The following FBXW10B variants were observed in gnomAD, a reference collection of about 807,000 sequenced individuals.
FBXW10B encodes the protein F-box and WD repeat domain containing protein 10B.
the FBXW10B span, chr17:15,614,158 T>C: frequency 3.3e-6 from 4 of 1,225,014 alleles, no homozygotes; most frequent in Non-Finnish European, 4.5e-6. Flanking sequence ...CTTAGGCCAC[T>C]AGATTTTTGT....
the FBXW10B span, among the ~76,000 whole-genome samples, chr17:15,567,598 G>T: frequency 6.6e-6 from 1 of 152,162 alleles, no homozygotes. Context: ...GGAGGCTGGG[G>T]CAGGAGGATT....
At chr17:15,582,006 A>G in the FBXW10B span, among the ~76,000 whole-genome samples, 1 of 149,828 alleles carries the variant, frequency 6.7e-6, no homozygotes, top group Non-Finnish European at 1.5e-5. Flanking sequence ...AAAGGAGAAA[A>G]AGGACTAATA....
chr17:15,603,798 C>T, the FBXW10B span, among the ~76,000 whole-genome samples: 16,283 of 145,950 alleles, frequency 0.11, 1,280 homozygotes, highest in African/African-American at 0.19. Context: ...AAGGGCTGGG[C>T]GCGGTGGCTC....
chr17:15,618,834 T>C, the FBXW10B span: 3 of 985,156 alleles, frequency 3.0e-6, no homozygotes, highest in South Asian at 9.4e-5. Context: ...TCATTTCTCC[T>C]TTGGTAAACA....
the FBXW10B span, among the ~76,000 whole-genome samples, chr17:15,608,071 A>G: frequency 1.3e-5 from 2 of 151,902 alleles, no homozygotes; most frequent in South Asian, 2.1e-4. Context: ...CGTCATATGT[A>G]TATTACATCT....
chr17:15,619,542 C>A, the FBXW10B span: 1 of 1,600,030 alleles, frequency 6.2e-7, no homozygotes, highest in Admixed American at 1.7e-5. Flanking sequence ...CATTTTAGCC[C>A]TGCGCACTTG....
chr17:15,601,364 G>A, the FBXW10B span, among the ~76,000 whole-genome samples: 1 of 136,628 alleles, frequency 7.3e-6, no homozygotes, highest in Non-Finnish European at 1.5e-5. Flanking sequence ...AGCTGAGATC[G>A]CACTACCGCA....
chr17:15,603,166 G>T, the FBXW10B span, among the ~76,000 whole-genome samples: 1 of 151,544 alleles, frequency 6.6e-6, no homozygotes, highest in Non-Finnish European at 1.5e-5. Flanking sequence ...TTACAGGCGT[G>T]AGCCACCGCG....
the FBXW10B span, chr17:15,569,023 A>G: frequency 3.3e-6 from 4 of 1,198,216 alleles, no homozygotes; most frequent in South Asian, 1.3e-4. Context: ...GTCTTCCGTA[A>G]GTGATCACTG....
chr17:15,567,480 G>A, the FBXW10B span, among the ~76,000 whole-genome samples: 4 of 152,028 alleles, frequency 2.6e-5, no homozygotes, highest in Non-Finnish European at 2.9e-5. Context: ...ATTTTTAGCT[G>A]TATATAATAT....
the FBXW10B span, chr17:15,565,710 C>A: frequency 6.2e-7 from 1 of 1,614,008 alleles, no homozygotes; most frequent in Non-Finnish European, 8.5e-7. Flanking sequence ...CCTGGTGCTC[C>A]TTCTCCTCCT....
the FBXW10B span, chr17:15,614,008 C>A: frequency 1.2e-6 from 2 of 1,608,880 alleles, no homozygotes; most frequent in Non-Finnish European, 1.7e-6. Flanking sequence ...CGGATATACA[C>A]CGGAGTGAAT....
At chr17:15,601,432 GAA>G in the FBXW10B span, among the ~76,000 whole-genome samples, 2 of 144,860 alleles carry the variant, frequency 1.4e-5, no homozygotes. Flanking sequence ...AAAAAAAAGA[GAA>G]AGAAAAACCA....
the FBXW10B span, among the ~76,000 whole-genome samples, chr17:15,582,972 A>G: frequency 3.3e-3 from 325 of 97,786 alleles, 2 homozygotes; most frequent in South Asian, 0.011. Context: ...TTCTTCCTTT[A>G]AAATGCCTAA....
At chr17:15,595,849 C>T in the FBXW10B span, among the ~76,000 whole-genome samples, 3 of 152,060 alleles carry the variant, frequency 2.0e-5, no homozygotes, top group South Asian at 6.2e-4. Context: ...CTCTGTTCAT[C>T]CCCCAGTGTT....
At chr17:15,584,466 T>C in the FBXW10B span, among the ~76,000 whole-genome samples, 1 of 152,252 alleles carries the variant, frequency 6.6e-6, no homozygotes, top group African/African-American at 2.4e-5. Context: ...ATTTCTTCTT[T>C]GTGATTTTCT....
At chr17:15,604,595 C>T in the FBXW10B span, among the ~76,000 whole-genome samples, 1 of 152,028 alleles carries the variant, frequency 6.6e-6, no homozygotes, top group African/African-American at 2.4e-5. Flanking sequence ...AGTGCAGTGG[C>T]GCGATCTCGG....
At chr17:15,619,169 T>C in the FBXW10B span, 6 of 1,613,894 alleles carry the variant, frequency 3.7e-6, no homozygotes, top group African/African-American at 8.0e-5. Flanking sequence ...CATCTTCTGT[T>C]CTACTGTTTT....
chr17:15,613,107 G>T, the FBXW10B span, among the ~76,000 whole-genome samples: 1 of 114,384 alleles, frequency 8.7e-6, no homozygotes, highest in Non-Finnish European at 1.6e-5. Flanking sequence ...CTCTCTGCTG[G>T]GGAAAAAAAA....
Sources: allele counts gnomAD v4.1 joint callset (sites outside exome capture counted in the v4.1 genomes callset), GRCh38; gene constraint gnomAD v4.1.1; transcripts MANE v1.5; gene names NCBI Gene and HGNC (gene_info 2026-07-23, HGNC 2026-07-21).